DEPDC5: variants seen among roughly 807,000 people sequenced by gnomAD.
The protein encoded by DEPDC5 is DEP domain containing 5, GATOR1 subcomplex subunit.
DEPDC5 carries 73 observed loss-of-function variants against 217.3 expected under a neutral mutation model. The ratio of observed to expected loss-of-function variants is 0.34; its 90% CI spans 0.28 to 0.41. The LOEUF (loss-of-function observed/expected upper bound fraction) is 0.41. Ranked by LOEUF, DEPDC5 falls within the 10% of genes least tolerant of loss-of-function variation. DEPDC5 has a pLI of 1.00. For missense variants in DEPDC5, 1,675 were observed against 2,070.1 expected (o/e 0.81, Z 3.70); for synonymous variants, 733 against 756.7 (o/e 0.97, Z 0.51).
At chr22:31,883,070 G>C (rs928154252) in intron 38 of DEPDC5, among the ~76,000 whole-genome samples, 5 of 152,184 alleles carry the variant, frequency 3.3e-5, no homozygotes, top group African/African-American at 1.2e-4. Context: ...TTGTGGGGAA[G>C]TGTTCTGTGC....
At chr22:31,902,407 AT>A (rs1308430153) in intron 41 of DEPDC5, among the ~76,000 whole-genome samples, 1 of 69,348 alleles carries the variant, frequency 1.4e-5, no homozygotes, top group Non-Finnish European at 2.6e-5. Flanking sequence ...TCATCTCCTT[AT>A]TATATATATA....
chr22:31,862,245 T>C (rs1437984416), intron 33 of DEPDC5, among the ~76,000 whole-genome samples: 1 of 148,326 alleles, frequency 6.7e-6, no homozygotes, highest in Non-Finnish European at 1.5e-5. Context: ...TCCATCTCAA[T>C]AAATAAATAA....
At chr22:31,787,147 G>A (rs1601830797) in intron 10 of DEPDC5, among the ~76,000 whole-genome samples, 2 of 151,908 alleles carry the variant, frequency 1.3e-5, no homozygotes, top group Admixed American at 1.3e-4. Context: ...GTGCAGTGGA[G>A]CGATCATGGC....
At chr22:31,802,112 T>A (rs2086924076) in intron 14 of DEPDC5, among the ~76,000 whole-genome samples, 1 of 148,132 alleles carries the variant, frequency 6.8e-6, no homozygotes, top group African/African-American at 2.5e-5. Flanking sequence ...AAGGTTTAAA[T>A]TAACAGCATG....
At chr22:31,757,017 G>A (rs944218711) in intron 2 of DEPDC5, among the ~76,000 whole-genome samples, 2 of 151,702 alleles carry the variant, frequency 1.3e-5, no homozygotes, top group Non-Finnish European at 2.9e-5. Flanking sequence ...ATGCCACAAG[G>A]TTCTTTGTCC....
chr22:31,792,023 T>C lies in DEPDC5; in HGVS notation c.625-10T>C. ...AAACTTCAACCCTGTTGTTCTCTAC[T>C]CATGCTTAGGAGAAGAACTGTAGTC... is the stretch of plus-strand genomic sequence containing the variant. On this transcript the variant is annotated splice_polypyrimidine_tract_variant and intron_variant, in intron 10 of 42. Coordinates refer to ENST00000651528, the MANE Select transcript of DEPDC5 (RefSeq NM_001242896.3). 1 of 1,597,232 alleles carries C rather than the reference T, an allele frequency of 6.3e-7. No individual in the cohort carries two copies. Among genetic ancestry groups the C allele is most frequent in the Non-Finnish European group, 8.6e-7 (1 of 1,167,924 alleles).
intron 2 of DEPDC5, among the ~76,000 whole-genome samples, chr22:31,757,041 A>T (rs2081994165): frequency 6.6e-6 from 1 of 151,846 alleles, no homozygotes; most frequent in African/African-American, 2.4e-5. Flanking sequence ...AAGAGTTTTC[A>T]GTTTGGTAAG....
intron 18 of DEPDC5, among the ~76,000 whole-genome samples, chr22:31,807,434 CGTT>C (rs748302043): frequency 2.6e-5 from 4 of 152,000 alleles, no homozygotes; most frequent in African/African-American, 9.7e-5. Context: ...TTGTTGTTGT[CGTT>C]GTTTGTTTTT....
At chr22:31,894,831 T>G (rs1213528923) in intron 39 of DEPDC5, 2 of 118,032 alleles carry the variant, frequency 1.7e-5, no homozygotes, top group African/African-American at 3.3e-5. Flanking sequence ...AGTGACAGAG[T>G]GAGACTTCAT....
intron 7 of DEPDC5, among the ~76,000 whole-genome samples, chr22:31,775,042 T>C (rs1254503356): frequency 6.6e-6 from 1 of 152,208 alleles, no homozygotes; most frequent in Non-Finnish European, 1.5e-5. Flanking sequence ...GTATAAGCCA[T>C]GGGCCTGGTC....
intron 25 of DEPDC5, 80 bp downstream of exon 25, chr22:31,834,060 C>A: frequency 7.0e-7 from 1 of 1,435,310 alleles, no homozygotes. Context: ...AAGAGGAAGC[C>A]CTGTGGGAAG....
chr22:31,855,199 G>C (rs907151983), intron 31 of DEPDC5, among the ~76,000 whole-genome samples: 1 of 151,968 alleles, frequency 6.6e-6, no homozygotes, highest in African/African-American at 2.4e-5. Context: ...TTCTGACCTC[G>C]TGATCCACCC....
chr22:31,882,312 G>A (rs1484628284), intron 38 of DEPDC5, among the ~76,000 whole-genome samples: 1 of 152,092 alleles, frequency 6.6e-6, no homozygotes. Flanking sequence ...TTTCAGATAC[G>A]CACCAAAGAG....
intron 24 of DEPDC5, among the ~76,000 whole-genome samples, chr22:31,829,297 CAAGGCGGGTGGATCACTTG>C (rs1280596348): frequency 2.0e-5 from 3 of 152,020 alleles, no homozygotes; most frequent in Non-Finnish European, 4.4e-5. Flanking sequence ...TTTGGGAGGC[CAAGGCGGGTGGATCACTTG>C]AAGTCAGGAG....
At chr22:31,837,903 A>C (rs1312590330) in intron 26 of DEPDC5, among the ~76,000 whole-genome samples, 1 of 151,780 alleles carries the variant, frequency 6.6e-6, no homozygotes, top group Non-Finnish European at 1.5e-5. Context: ...GGGTTTCACC[A>C]TGTTGGCCAG....
chr22:31,761,043 G>GCGATCT (rs1384871778), intron 4 of DEPDC5, among the ~76,000 whole-genome samples: 4 of 151,098 alleles, frequency 2.6e-5, no homozygotes, highest in African/African-American at 9.7e-5. Flanking sequence ...GTGCAGTGGC[G>GCGATCT]CGATCTCGGC....
chr22:31,874,494 T>G, intron 36 of DEPDC5, 89 bp downstream of exon 36: 1 of 1,465,656 alleles, frequency 6.8e-7, no homozygotes, highest in Non-Finnish European at 9.1e-7. Flanking sequence ...TTTCCAGTAA[T>G]GAGATCTGCA....
intron 17 of DEPDC5, among the ~76,000 whole-genome samples, chr22:31,805,423 G>A (rs761574267): frequency 2.0e-5 from 3 of 151,898 alleles, no homozygotes; most frequent in African/African-American, 4.8e-5. Context: ...AATTCCTCCT[G>A]TGCTGCCCTG....
In DEPDC5 at chr22:31,756,525, C is replaced by T. The variant is rs565815764; in HGVS notation, c.58+1546C>T. On this transcript the variant is annotated intron_variant, in intron 2 of 42. Transcript: ENST00000651528. ...ATAACTTTTGGCAGAGAAAAGAATA[C>T]AAGGATACAGTATATACAACGTATA... 4.6e-5 allele frequency among the ~76,000 whole-genome samples: 7 copies of T among 152,282 alleles called. No homozygotes were observed. In the East Asian group the frequency reaches 1.2e-3, roughly 25 times the overall value.
Sources: gnomAD v4.1 joint callset for allele counts (sites outside exome capture counted in the v4.1 genomes callset) on GRCh38, gnomAD v4.1.1 for gene constraint, MANE v1.5 for transcripts, NCBI Gene and HGNC (gene_info 2026-07-23, HGNC 2026-07-21) for gene names.